The following ZIM2 variants were observed in gnomAD, a reference collection of about 807,000 sequenced individuals.
ZIM2 encodes the protein zinc finger protein 656.
Under a neutral mutation model 38.6 loss-of-function variants are expected in ZIM2, and 14 were observed. The ratio of observed to expected loss-of-function variants is 0.36; its 90% CI spans 0.24 to 0.57. The LOEUF (loss-of-function observed/expected upper bound fraction) is 0.57. ZIM2 is among the 20% of genes least tolerant of loss of function. The pLI is 0.81. For missense variants in ZIM2, 680 were observed against 695.1 expected, an observed-to-expected ratio of 0.98 and a Z score of 0.24; for synonymous variants, 247 against 245.8, an observed-to-expected ratio of 1.00 and a Z score of -0.04.
In ZIM2 at chr19:56,814,516, T is replaced by C; in HGVS notation, c.490+3230A>G. The C allele has an allele frequency of 6.2e-7, 1 of 1,614,042 alleles. No individual in the cohort carries two copies. Among genetic ancestry groups the C allele is most frequent in the Non-Finnish European group, 8.5e-7 (1 of 1,179,936 alleles). ...GTGAGTATAGGAGGACCCGTACTCATAGGGCTCATTCTTATGAACAGTTAC... is the reference window on the plus strand; with the variant it reads ...GTGAGTATAGGAGGACCCGTACTCACAGGGCTCATTCTTATGAACAGTTAC... On this transcript the variant is annotated intron_variant, in intron 9 of 12. Transcript: ENST00000629319. This position sits in a 1 kb window ranked among gnomAD's most constrained non-coding sequence, Gnocchi z 5.8.
At chr19:56,827,235 G>A (rs936844756) in intron 2 of ZIM2, among the ~76,000 whole-genome samples, 2 of 152,130 alleles carry the variant, frequency 1.3e-5, no homozygotes, top group Non-Finnish European at 2.9e-5. Flanking sequence ...GTCACAAGGT[G>A]GATGCCAACT....
intron 9 of ZIM2, chr19:56,816,599 T>A (rs755587109): frequency 1.2e-6 from 2 of 1,613,974 alleles, no homozygotes; most frequent in Non-Finnish European, 1.7e-6. Context: ...TGAAACTCAT[T>A]AAGGGCTGGG....
Position 56,817,160 on chromosome 19 carries a change from C to T in ZIM2, c.490+586G>A, listed in dbSNP as rs146055813. ...GAGCTGAGGCTGCTCAGGCTGCTCA[C>T]GCTCATGGCTTTTCTCATCTCACTA... is the stretch of plus-strand genomic sequence containing the variant. On this transcript the variant is annotated intron_variant, in intron 9 of 12. Transcript: ENST00000629319. 182 of 1,614,198 alleles carry T rather than the reference C, an allele frequency of 1.1e-4. 1 individual carries two copies. The African/African-American group carries it at 2.1e-3, about 19-fold the overall frequency.
chr19:56,825,757 A>G (rs2060964001), intron 3 of ZIM2, among the ~76,000 whole-genome samples: 1 of 152,240 alleles, frequency 6.6e-6, no homozygotes, highest in Admixed American at 6.5e-5. Context: ...AAAAAAAACC[A>G]TATGCAACAG....
At chr19:56,824,933 C>T (rs188701245) in intron 3 of ZIM2, 4 of 357,554 alleles carry the variant, frequency 1.1e-5, no homozygotes, top group African/African-American at 6.0e-5. Context: ...GAGACCTACT[C>T]GAGGAGTTAG....
chr19:56,833,084 T>C, intron 2 of ZIM2: 1 of 487,624 alleles, frequency 2.1e-6, no homozygotes, highest in South Asian at 1.5e-5. Context: ...GGGAAGAACT[T>C]AATGAAAGAA....
At chr19:56,812,512 T>C in intron 9 of ZIM2, 1 of 985,612 alleles carries the variant, frequency 1.0e-6, no homozygotes, top group East Asian at 1.1e-4. Flanking sequence ...CTAAGGATAC[T>C]AGCTCCTGGG....
At chr19:56,792,263 CTT>C (rs1196702505) in intron 9 of ZIM2, among the ~76,000 whole-genome samples, 1 of 151,914 alleles carries the variant, frequency 6.6e-6, no homozygotes, top group Non-Finnish European at 1.5e-5. Flanking sequence ...TGCGGTGGCT[CTT>C]GTCTATAATT....
intron 9 of ZIM2, chr19:56,813,143 T>C: frequency 1.0e-6 from 1 of 982,914 alleles, no homozygotes; most frequent in Non-Finnish European, 1.2e-6. Context: ...ACAATAAATC[T>C]TTCTCAGGAT....
At chr19:56,829,100 C>A (rs956457229) in intron 2 of ZIM2, among the ~76,000 whole-genome samples, 2 of 152,074 alleles carry the variant, frequency 1.3e-5, no homozygotes, top group African/African-American at 4.8e-5. Context: ...CCTGTAATCC[C>A]AGCACTTTGG....
At chr19:56,818,849 G>A in intron 7 of ZIM2, 147 bp from the exon 8 acceptor site, 1 of 894,428 alleles carries the variant, frequency 1.1e-6, no homozygotes, top group Non-Finnish European at 1.7e-6. Context: ...CAAGTCAAGT[G>A]TTACTAGGGA....
chr19:56,806,543 A>G (rs2047764528), intron 9 of ZIM2, among the ~76,000 whole-genome samples: 1 of 152,196 alleles, frequency 6.6e-6, no homozygotes, highest in South Asian at 2.1e-4. Context: ...AGCTGAGAAA[A>G]TATTTACTTC....
intron 9 of ZIM2, chr19:56,793,118 G>C (rs971417872): frequency 6.6e-6 from 1 of 152,654 alleles, no homozygotes; most frequent in African/African-American, 2.4e-5. Context: ...CTCAGAAACT[G>C]TGTCAGCACT....
At chr19:56,795,026 T>C (rs1342524458) in intron 9 of ZIM2, among the ~76,000 whole-genome samples, 3 of 152,366 alleles carry the variant, frequency 2.0e-5, no homozygotes, top group African/African-American at 4.8e-5. Context: ...TTGTGCTTCT[T>C]TACATTGGGG....
intron 9 of ZIM2, among the ~76,000 whole-genome samples, chr19:56,807,624 C>T (rs979219696): frequency 2.0e-5 from 3 of 152,020 alleles, no homozygotes; most frequent in African/African-American, 7.2e-5. Flanking sequence ...GATCCTGTCT[C>T]TACAAAAAAT....
chr19:56,822,862 T>C, intron 5 of ZIM2, 26 bp from the exon 6 acceptor site: 5 of 1,606,826 alleles, frequency 3.1e-6, no homozygotes, highest in Non-Finnish European at 4.2e-6. Flanking sequence ...ATTCCAGTGG[T>C]TAACAAAGCT....
intron 1 of ZIM2, among the ~76,000 whole-genome samples, chr19:56,840,291 C>A (rs916720460): frequency 1.3e-5 from 2 of 152,210 alleles, no homozygotes; most frequent in Non-Finnish European, 2.9e-5. Context: ...CCTGCAGCAG[C>A]CCCTCAGACC....
intron 7 of ZIM2, 145 bp from the exon 8 acceptor site, chr19:56,818,847 G>T: frequency 1.1e-6 from 1 of 904,534 alleles, no homozygotes; most frequent in Non-Finnish European, 1.7e-6. Flanking sequence ...TCCAAGTCAA[G>T]TGTTACTAGG....
At chr19:56,834,069 A>G (rs1362334732) in intron 2 of ZIM2, among the ~76,000 whole-genome samples, 1 of 152,238 alleles carries the variant, frequency 6.6e-6, no homozygotes, top group Non-Finnish European at 1.5e-5. Context: ...ATGGTTCAAG[A>G]CAAATAAAGC....
Sources: allele counts gnomAD v4.1 joint callset (sites outside exome capture counted in the v4.1 genomes callset), GRCh38; gene constraint gnomAD v4.1.1; non-coding constraint Gnocchi (gnomAD v3.1); transcripts MANE v1.5; gene names NCBI Gene and HGNC (gene_info 2026-07-23, HGNC 2026-07-21).